Variants in ETS1 observed in about 807,000 individuals in gnomAD.
The protein encoded by ETS1 is ETS proto-oncogene 1, transcription factor.
Under a neutral mutation model 58.6 loss-of-function variants are expected in ETS1, and 15 were observed. The observed-to-expected ratio is 0.26, with a 90% CI of 0.17 to 0.39. The LOEUF (loss-of-function observed/expected upper bound fraction) is 0.39, where lower values mean the gene tolerates loss of function less well. ETS1 is among the 10% of genes least tolerant of loss of function. The pLI, the probability that ETS1 is intolerant of heterozygous loss-of-function variation, is 1.00. For missense variants in ETS1, 417 were observed against 610.5 expected (o/e 0.68, Z 3.34); for synonymous variants, 214 against 218.2 (o/e 0.98, Z 0.17).
chr11:128,522,372 G>A lies in ETS1; in HGVS notation c.215-31796C>T, dbSNP rs897920653. 1.2e-5 allele frequency: 12 copies of A among 990,004 alleles called. No homozygotes were observed. In the African/African-American group the frequency reaches 1.9e-4, roughly 16 times the overall value. 61.3% of individuals were successfully genotyped at this position (990,004 alleles called of 1,614,324 possible). On this transcript the variant is annotated intron_variant, in intron 3 of 9. Transcript: ENST00000392668. ...TCCCCTCCTCTTTAGGGCGTTTCTC[G>A]CGGCGCCGCGTCTCGGCCGCTGGGT...
At chr11:128,497,968 T>C (rs1862988257) in intron 3 of ETS1, among the ~76,000 whole-genome samples, 1 of 149,486 alleles carries the variant, frequency 6.7e-6, no homozygotes, top group African/African-American at 2.4e-5. Flanking sequence ...CCCTAAACAT[T>C]GGGCAAATGG....
intron 3 of ETS1, among the ~76,000 whole-genome samples, chr11:128,532,931 T>C (rs1863920918): frequency 6.6e-6 from 1 of 152,188 alleles, no homozygotes; most frequent in Non-Finnish European, 1.5e-5. Flanking sequence ...ATTGTAAAGC[T>C]AATTAAATAA....
At chr11:128,504,380 T>C (rs575577251) in intron 3 of ETS1, among the ~76,000 whole-genome samples, 108 of 152,304 alleles carry the variant, frequency 7.1e-4, no homozygotes, top group African/African-American at 2.5e-3. Context: ...TAAAGCCTTA[T>C]CCAGGACCAA....
rs1156606364 is a variant in ETS1, at chr11:128,549,617, C to G, written c.214+6674G>C. ...AGCTGCGAGTTCGAGGGCGGGCCGG[C>G]GGAAGGCTTGCCTTTCCACTGTCAC... On this transcript the variant is annotated intron_variant, in intron 3 of 9. Transcript: ENST00000392668. This position sits in a 1 kb window ranked among gnomAD's most constrained non-coding sequence, Gnocchi z 4.3. 6.6e-6 allele frequency among the ~76,000 whole-genome samples: 1 copy of G among 152,182 alleles called. No individual in the cohort carries two copies. The highest frequency in any genetic ancestry group is 2.1e-4 in the South Asian group (1 of 4,832).
chr11:128,571,968 C>A (rs1288947665), intron 2 of ETS1: 1 of 151,920 alleles, frequency 6.6e-6, no homozygotes, highest in African/African-American at 2.4e-5. Context: ...CGCTTGAACA[C>A]GGGAGGCACA....
chr11:128,484,915 G>C lies in ETS1; in HGVS notation c.770C>G (p.Pro257Arg), dbSNP rs767421717. 1 of 1,614,044 alleles carries C rather than the reference G, an allele frequency of 6.2e-7. No individual in the cohort carries two copies. The change falls in exon 7 of 10, where the codon CCT (proline) becomes CGT (arginine). Residue 257 changes from proline to arginine, a missense_variant. Around this residue, in one of 4 missense-constraint regions of ETS1, gnomAD observed 139 missense variants for 152.1 expected, o/e 0.91. Transcript: ENST00000392668. Reference sequence around the variant, plus strand: ...ATTCTGCAAGGTGTCTGTCTGGAGAGGGTCTCGGAGAATGACCGAGGGGTA... The same window carrying C: ...ATTCTGCAAGGTGTCTGTCTGGAGACGGTCTCGGAGAATGACCGAGGGGTA... ...NDYPSVILRD[P>R]LQTDTLQNDY...
At chr11:128,478,087 T>C (rs1042935537) in intron 8 of ETS1, among the ~76,000 whole-genome samples, 5 of 152,154 alleles carry the variant, frequency 3.3e-5, no homozygotes, top group African/African-American at 1.2e-4. Context: ...AAAAGTGAAA[T>C]TGCAATTGTC....
At chr11:128,485,126 C>G in intron 6 of ETS1, 55 bp from the exon 7 acceptor site, 12 of 1,522,792 alleles carry the variant, frequency 7.9e-6, no homozygotes, top group Non-Finnish European at 9.9e-6. Context: ...CTAAAATAAG[C>G]AGTTTTCACC....
At chr11:128,558,780 G>A (rs184925222) in intron 2 of ETS1, among the ~76,000 whole-genome samples, 121 of 152,048 alleles carry the variant, frequency 8.0e-4, no homozygotes, top group African/African-American at 2.8e-3. Flanking sequence ...TCCTGAAGCA[G>A]CTACATTAAA....
chr11:128,518,012 C>T (rs1863570528), intron 3 of ETS1, among the ~76,000 whole-genome samples: 1 of 152,210 alleles, frequency 6.6e-6, no homozygotes, highest in Non-Finnish European at 1.5e-5. Context: ...TAATTGAAAA[C>T]TTGACTTTTC....
Position 128,462,411 on chromosome 11 carries a change from G to A in ETS1, c.1408C>T (p.Pro470Ser), listed in dbSNP as rs1221400027. The A allele has an allele frequency of 3.7e-6, 6 of 1,614,046 alleles. No homozygotes were observed. Among genetic ancestry groups the A allele is most frequent in the African/African-American group, 1.3e-5 (1 of 74,908 alleles). ...CDLQSLLGYT[P>S]EELHAMLDVK... ...TCCAGCATGGCGTGCAGCTCCTCAG[G>A]GGTGTACCCCAGCAGGCTCTGCAGG... is the stretch of plus-strand genomic sequence containing the variant. Residue 470 changes from proline (P) to serine (S), a missense_variant, in exon 10 of 10, where the codon CCT (proline) becomes TCT (serine). Pro to Ser is a moderately conservative substitution (Grantham distance 74). Coordinates refer to ENST00000392668, the MANE Select transcript of ETS1 (RefSeq NM_001143820.2).
chr11:128,566,043 G>A (rs1168812218), intron 2 of ETS1, among the ~76,000 whole-genome samples: 1 of 152,212 alleles, frequency 6.6e-6, no homozygotes, highest in South Asian at 2.1e-4. Flanking sequence ...AATTACTCAA[G>A]ATAAGAAAAC....
chr11:128,555,422 A>G (rs1864297227), intron 3 of ETS1, among the ~76,000 whole-genome samples: 2 of 152,212 alleles, frequency 1.3e-5, no homozygotes, highest in Admixed American at 1.3e-4. Flanking sequence ...CCCCAGAATT[A>G]CATTTTCCCA....
intron 3 of ETS1, among the ~76,000 whole-genome samples, chr11:128,507,463 A>G (rs1484840713): frequency 1.3e-5 from 2 of 152,178 alleles, no homozygotes; most frequent in Non-Finnish European, 2.9e-5. Context: ...TTTATAATAT[A>G]CTGAATTAGT....
chr11:128,556,498 G>T, intron 2 of ETS1, 63 bp from the exon 3 acceptor site: 1 of 1,103,464 alleles, frequency 9.1e-7, no homozygotes, highest in Non-Finnish European at 1.3e-6. Context: ...TAGCCCTAAA[G>T]AACTATGACT....
intron 8 of ETS1, among the ~76,000 whole-genome samples, chr11:128,478,045 C>T (rs758523662): frequency 1.1e-4 from 16 of 152,142 alleles, no homozygotes; most frequent in Admixed American, 3.3e-4. Flanking sequence ...GTTTTCTGGA[C>T]TATTATTCTC....
intron 3 of ETS1, among the ~76,000 whole-genome samples, chr11:128,552,144 A>G (rs1239103870): frequency 6.6e-6 from 1 of 152,108 alleles, no homozygotes; most frequent in African/African-American, 2.4e-5. Context: ...AATCATTGGT[A>G]TAGATCCGGA....
At chr11:128,585,315 A>AGAAG (rs201286074) in intron 1 of ETS1, among the ~76,000 whole-genome samples, 70,997 of 136,140 alleles carry the variant, frequency 0.52, 19,688 homozygotes, top group Admixed American at 0.57. Flanking sequence ...AAGGGAGGGA[A>AGAAG]GAAGGAAGGA....
intron 3 of ETS1, 90 bp downstream of exon 3, chr11:128,556,201 G>A: frequency 8.9e-7 from 1 of 1,126,042 alleles, no homozygotes; most frequent in Non-Finnish European, 1.3e-6. Context: ...ATAAGCCATG[G>A]CAGCTGTTAT....
Sources: gnomAD v4.1 joint callset for allele counts (sites outside exome capture counted in the v4.1 genomes callset) on GRCh38, gnomAD v4.1.1 for gene constraint, gnomAD v4.1.1 regional missense constraint, Gnocchi (gnomAD v3.1) non-coding constraint, MANE v1.5 for transcripts, NCBI Gene and HGNC (gene_info 2026-07-23, HGNC 2026-07-21) for gene names.